CNTNAP2: variants seen among roughly 807,000 people sequenced by gnomAD.
The protein encoded by CNTNAP2 is contactin-associated protein-like 2.
In CNTNAP2, 98 loss-of-function variants were observed where a neutral mutation model predicts 155.2. That is an observed-to-expected ratio of 0.63 (90% confidence interval 0.54 to 0.75). The LOEUF (loss-of-function observed/expected upper bound fraction) is 0.75, where lower values mean the gene tolerates loss of function less well. Among genes scored for constraint, CNTNAP2 ranks in the 30% least tolerant of loss-of-function variants. CNTNAP2 has a pLI of 0.00. For synonymous variants in CNTNAP2, 651 were observed against 631.2 expected (o/e 1.03, Z -0.47); for missense variants, 1,727 against 1,688.1 (o/e 1.02, Z -0.40).
Position 148,338,055 on chromosome 7 carries a change from AC to A in CNTNAP2, c.3476-45589del, listed in dbSNP as rs1274587715. ...TAATCAACACACAAAGCAATCCATT[AC>A]CCCCAGATTTCCCTTACATCCTTTG... On this transcript the variant is annotated intron_variant, in intron 21 of 23. Coordinates refer to ENST00000361727, the MANE Select transcript of CNTNAP2 (RefSeq NM_014141.6). Among the ~76,000 whole-genome samples, 7 of 152,178 alleles carry A rather than the reference AC, an allele frequency of 4.6e-5. No homozygotes were observed. The East Asian group carries it at 1.4e-3, about 29-fold the overall frequency.
At chr7:146,494,788 A>G (rs972703491) in intron 1 of CNTNAP2, among the ~76,000 whole-genome samples, 1 of 152,240 alleles carries the variant, frequency 6.6e-6, no homozygotes, top group Non-Finnish European at 1.5e-5. Flanking sequence ...ATGCTTTAAA[A>G]TACATTTACT....
intron 13 of CNTNAP2, among the ~76,000 whole-genome samples, chr7:147,860,110 C>G (rs1033183277): frequency 6.6e-6 from 1 of 151,956 alleles, no homozygotes; most frequent in African/African-American, 2.4e-5. Context: ...TGAGTGAGTT[C>G]TCACAAAATC....
chr7:146,537,291 A>T (rs1361850511), intron 1 of CNTNAP2, among the ~76,000 whole-genome samples: 2 of 152,114 alleles, frequency 1.3e-5, no homozygotes, highest in Non-Finnish European at 2.9e-5. Flanking sequence ...AATTAAAAAA[A>T]GTTTTCAAAA....
chr7:147,862,202 T>A (rs1799148283), intron 13 of CNTNAP2, among the ~76,000 whole-genome samples: 1 of 152,028 alleles, frequency 6.6e-6, no homozygotes, highest in Non-Finnish European at 1.5e-5. Flanking sequence ...AAACCATGGG[T>A]TATAAAATGC....
At chr7:147,386,434 C>T (rs965968243) in intron 9 of CNTNAP2, among the ~76,000 whole-genome samples, 5 of 152,158 alleles carry the variant, frequency 3.3e-5, no homozygotes, top group Non-Finnish European at 5.9e-5. Flanking sequence ...AGCACGCATT[C>T]ACCCCTCAAA....
chr7:146,984,126 G>C (rs1798070904), intron 3 of CNTNAP2, among the ~76,000 whole-genome samples: 1 of 152,008 alleles, frequency 6.6e-6, no homozygotes. Flanking sequence ...CCAGCACTTT[G>C]GGAGGCTGAG....
chr7:146,217,848 G>T (rs1799138278), intron 1 of CNTNAP2, among the ~76,000 whole-genome samples: 1 of 152,096 alleles, frequency 6.6e-6, no homozygotes, highest in Non-Finnish European at 1.5e-5. Flanking sequence ...AACATATTCG[G>T]TGGTAACACT....
intron 13 of CNTNAP2, among the ~76,000 whole-genome samples, chr7:147,643,672 AT>A (rs1490121470): frequency 2.0e-5 from 3 of 152,214 alleles, no homozygotes; most frequent in Non-Finnish European, 2.9e-5. Flanking sequence ...TACAAAGTAT[AT>A]TCATTATAGT....
intron 1 of CNTNAP2, among the ~76,000 whole-genome samples, chr7:146,657,575 C>T (rs1473778387): frequency 6.6e-6 from 1 of 152,060 alleles, no homozygotes; most frequent in African/African-American, 2.4e-5. Flanking sequence ...TATTCTTTTG[C>T]ATGGACACCA....
intron 1 of CNTNAP2, among the ~76,000 whole-genome samples, chr7:146,161,387 A>G (rs377003497): frequency 3.3e-5 from 5 of 152,186 alleles, no homozygotes; most frequent in African/African-American, 9.7e-5. Flanking sequence ...AGGGTATTCA[A>G]TTAGGAAAAG....
chr7:148,132,383 A>AT (rs200853173), intron 16 of CNTNAP2, among the ~76,000 whole-genome samples: 216 of 142,064 alleles, frequency 1.5e-3, no homozygotes, highest in Middle Eastern at 3.7e-3. Flanking sequence ...TAATTTTTTA[A>AT]TTTTTTTTTT....
chr7:147,172,572 T>G (rs75953800), intron 8 of CNTNAP2, among the ~76,000 whole-genome samples: 2,428 of 152,268 alleles, frequency 0.016, 28 homozygotes, highest in South Asian at 0.042. Context: ...TTATAATTTC[T>G]CAATTCATGT....
chr7:148,366,310 G>A (rs1798779608), intron 21 of CNTNAP2, among the ~76,000 whole-genome samples: 1 of 108,780 alleles, frequency 9.2e-6, no homozygotes, highest in African/African-American at 2.8e-5. Context: ...ATGTATGTAT[G>A]TATACATTAT....
intron 1 of CNTNAP2, among the ~76,000 whole-genome samples, chr7:146,201,428 C>T (rs960947871): frequency 6.6e-6 from 1 of 152,102 alleles, no homozygotes; most frequent in African/African-American, 2.4e-5. Context: ...TTATTGGCAG[C>T]TCCTAATTGC....
At chr7:147,993,145 T>C (rs1476776970) in intron 15 of CNTNAP2, among the ~76,000 whole-genome samples, 1 of 152,224 alleles carries the variant, frequency 6.6e-6, no homozygotes, top group Admixed American at 6.5e-5. Flanking sequence ...CTTGATTTGC[T>C]CTTTTGGTTT....
chr7:147,314,041 C>T (rs1466676182), intron 9 of CNTNAP2, among the ~76,000 whole-genome samples: 5 of 152,088 alleles, frequency 3.3e-5, no homozygotes, highest in Non-Finnish European at 7.4e-5. Flanking sequence ...AATGGGAGTT[C>T]ACTCATGATT....
At chr7:146,199,699 G>A (rs192380182) in intron 1 of CNTNAP2, among the ~76,000 whole-genome samples, 55 of 152,176 alleles carry the variant, frequency 3.6e-4, no homozygotes, top group Non-Finnish European at 5.7e-4. Context: ...AAAGGGTGTC[G>A]ACTTCATTCA....
chr7:147,527,208 A>G (rs1259608286), intron 11 of CNTNAP2, among the ~76,000 whole-genome samples: 2 of 151,802 alleles, frequency 1.3e-5, no homozygotes, highest in East Asian at 1.9e-4. Context: ...TATTTTTAGT[A>G]GAGACAGGGT....
At chr7:147,609,306 C>T (rs549336733) in intron 12 of CNTNAP2, among the ~76,000 whole-genome samples, 4 of 152,152 alleles carry the variant, frequency 2.6e-5, no homozygotes, top group East Asian at 1.9e-4. Flanking sequence ...CCGAGGTGGG[C>T]GGACCACGAG....
Sources: allele counts gnomAD v4.1 joint callset (sites outside exome capture counted in the v4.1 genomes callset), GRCh38; gene constraint gnomAD v4.1.1; transcripts MANE v1.5; gene names NCBI Gene and HGNC (gene_info 2026-07-23, HGNC 2026-07-21).